FARP2: variants seen among roughly 807,000 people sequenced by gnomAD.
FARP2 encodes FERM, ARHGEF and pleckstrin domain-containing protein 2.
A neutral mutation model predicts 130.5 loss-of-function variants in FARP2; 111 were observed. The observed-to-expected ratio is 0.85, with a 90% CI of 0.73 to 1.00. The LOEUF (loss-of-function observed/expected upper bound fraction) is 1.00. Among genes scored for constraint, FARP2 ranks in the 50% least tolerant of loss-of-function variants. The pLI, the probability that FARP2 is intolerant of heterozygous loss-of-function variation, is 0.00. For synonymous variants in FARP2, 504 were observed against 516.9 expected (o/e 0.98, Z 0.34); for missense variants, 1,385 against 1,346.3 (o/e 1.03, Z -0.45).
intron 5 of FARP2, among the ~76,000 whole-genome samples, chr2:241,408,049 G>T (rs115323581): frequency 0.016 from 2,429 of 152,208 alleles, 43 homozygotes; most frequent in African/African-American, 0.042. Context: ...CTACTATTTT[G>T]AATTAAAGAT....
At chr2:241,424,528 C>G (rs912364809) in intron 8 of FARP2, among the ~76,000 whole-genome samples, 7 of 152,032 alleles carry the variant, frequency 4.6e-5, no homozygotes, top group African/African-American at 1.7e-4. Flanking sequence ...AGGTTAACAA[C>G]CTAACATCTC....
chr2:241,492,114 G>C (rs1299472312), intron 24 of FARP2, among the ~76,000 whole-genome samples: 3 of 152,172 alleles, frequency 2.0e-5, no homozygotes, highest in African/African-American at 4.8e-5. Context: ...TGGGTCACCA[G>C]GTTCCTCAGC....
chr2:241,401,521 TC>T (rs2062165499), intron 2 of FARP2, among the ~76,000 whole-genome samples: 1 of 152,154 alleles, frequency 6.6e-6, no homozygotes, highest in African/African-American at 2.4e-5. Flanking sequence ...GGCCTTTTTT[TC>T]TTTTTCCTTT....
In FARP2 at chr2:241,463,313, TCACACCACACTCTTCC is replaced by T. The variant is rs756662788; in HGVS notation, c.1678-17_1678-2del. 6.2e-7 allele frequency: 1 copy of T among 1,610,328 alleles called. No individual in the cohort carries two copies. Among genetic ancestry groups the T allele is most frequent in the Non-Finnish European group, 8.5e-7 (1 of 1,177,510 alleles). The stretch of plus-strand genomic sequence containing the variant: ...TCCCCAACAAGAGCCACACCTCCCA[TCACACCACACTCTTCC>T]CACAGTGGTTCCGCAGCGCAGTGGT... On this transcript the variant is annotated splice_region_variant and splice_polypyrimidine_tract_variant and intron_variant, in intron 15 of 26. Transcript: ENST00000264042.
At chr2:241,461,477 T>C (rs2064015587) in intron 14 of FARP2, among the ~76,000 whole-genome samples, 1 of 152,180 alleles carries the variant, frequency 6.6e-6, no homozygotes, top group South Asian at 2.1e-4. Context: ...CCCACATTGC[T>C]CCAGCCCCTT....
rs182421171 is a variant in FARP2, at chr2:241,356,355, G to A, written c.-58G>A. On this transcript the variant is annotated 5_prime_UTR_variant, in exon 1 of 27. Transcript: ENST00000264042. The stretch of plus-strand genomic sequence containing the variant: ...GCGACTGCGGAGGCCGGGCGAGGCC[G>A]GTGAGGACGCGGCGGGCGAGCGAGA... 2,490 of 152,384 alleles carry A rather than the reference G, an allele frequency of 0.016. 45 individuals carry two copies. The highest frequency in any genetic ancestry group is 0.043 in the African/African-American group (1,784 of 41,540). The allele number at this position is 152,384 out of a possible 1,614,324, so 9.4% of individuals were successfully genotyped here.
chr2:241,377,952 G>A (rs1207966287), intron 2 of FARP2, among the ~76,000 whole-genome samples: 1 of 152,038 alleles, frequency 6.6e-6, no homozygotes, highest in East Asian at 1.9e-4. Context: ...AAGTAGCTGT[G>A]CCATTTTGCA....
chr2:241,360,086 A>T (rs574282161), intron 1 of FARP2, among the ~76,000 whole-genome samples: 1 of 152,174 alleles, frequency 6.6e-6, no homozygotes, highest in Non-Finnish European at 1.5e-5. Flanking sequence ...TTAAATCACC[A>T]TTTAATATAT....
chr2:241,457,499 G>A (rs12612293), intron 14 of FARP2, among the ~76,000 whole-genome samples: 2,585 of 80,482 alleles, frequency 0.032, 3 homozygotes, highest in East Asian at 0.084. Context: ...GCTCTTGGGC[G>A]GGAGACCCAG....
chr2:241,460,052 T>G (rs917187842), intron 14 of FARP2, among the ~76,000 whole-genome samples: 1 of 152,150 alleles, frequency 6.6e-6, no homozygotes, highest in Non-Finnish European at 1.5e-5. Flanking sequence ...GTTAGGACAT[T>G]GCCTTTGGAC....
rs567458919 is a variant in FARP2, at chr2:241,494,371, G to A, written c.*246G>A. On this transcript the variant is annotated 3_prime_UTR_variant, in exon 27 of 27. Coordinates refer to ENST00000264042, the MANE Select transcript of FARP2 (RefSeq NM_014808.4). This position sits in a 1 kb window ranked among gnomAD's most constrained non-coding sequence, Gnocchi z 4.9. ...ATGTGCGAGTCTTGAGCGCGGAGCC[G>A]CTCAAGCCACAGCTCCCAGGCCCCT... The A allele has an allele frequency of 6.6e-5, 21 of 316,408 alleles. No homozygotes were observed. Among genetic ancestry groups the A allele is most frequent in the Admixed American group, 6.0e-4 (12 of 19,840 alleles). The allele number at this position is 316,408 out of a possible 1,614,324, so 19.6% of individuals were successfully genotyped here. A position where few individuals can be genotyped will look rare whatever the true frequency, so the allele number is the denominator to read the frequency against.
chr2:241,407,982 G>A (rs530705095), intron 5 of FARP2, among the ~76,000 whole-genome samples: 29 of 152,288 alleles, frequency 1.9e-4, no homozygotes, highest in Non-Finnish European at 2.4e-4. Flanking sequence ...GAAGTACCCA[G>A]TGTGTTAGTT....
intron 7 of FARP2, among the ~76,000 whole-genome samples, chr2:241,415,325 C>G (rs2062637104): frequency 6.6e-6 from 1 of 152,152 alleles, no homozygotes; most frequent in African/African-American, 2.4e-5. Flanking sequence ...GACCTTGACC[C>G]ATGGAGCCAA....
chr2:241,390,294 C>T (rs192955242), intron 2 of FARP2, among the ~76,000 whole-genome samples: 62 of 152,266 alleles, frequency 4.1e-4, no homozygotes, highest in Admixed American at 1.0e-3. Flanking sequence ...TTGAACGAGT[C>T]CAGCAAATGA....
At position 241,475,619 on chromosome 2, in the gene FARP2, T is replaced by C. The variant is rs940196170; in HGVS notation, c.2132-238T>C. 3.3e-5 allele frequency among the ~76,000 whole-genome samples: 5 copies of C among 152,348 alleles called. No homozygotes were observed. The highest frequency in any genetic ancestry group is 2.1e-4 in the South Asian group (1 of 4,832). The stretch of plus-strand genomic sequence containing the variant: ...CTAACAAATGCCTGATGATCTGAGG[T>C]GGAACAGTTTCATCCCCAAACCATT... On this transcript the variant is annotated intron_variant, in intron 18 of 26. Coordinates refer to ENST00000264042, the MANE Select transcript of FARP2 (RefSeq NM_014808.4). This position sits in a 1 kb window ranked among gnomAD's most constrained non-coding sequence, Gnocchi z 4.4.
chr2:241,374,332 T>G (rs1163728306), intron 2 of FARP2, among the ~76,000 whole-genome samples: 1 of 152,202 alleles, frequency 6.6e-6, no homozygotes, highest in East Asian at 1.9e-4. Context: ...TTAAAATTAT[T>G]TATTTTCATA....
chr2:241,373,414 C>T, intron 2 of FARP2, 124 bp downstream of exon 2: 1 of 526,208 alleles, frequency 1.9e-6, no homozygotes, highest in Non-Finnish European at 3.1e-6. Context: ...TTTGGTAACA[C>T]ATGAGAAAAT....
chr2:241,484,405 A>G, intron 21 of FARP2, 74 bp downstream of exon 21: 1 of 1,233,626 alleles, frequency 8.1e-7, no homozygotes, highest in South Asian at 1.2e-5. Flanking sequence ...TCTCCTGCAG[A>G]GGCGAATCCT....
intron 18 of FARP2, 99 bp downstream of exon 18, chr2:241,468,476 G>A (rs1574886024): frequency 5.9e-6 from 5 of 851,976 alleles, no homozygotes; most frequent in Admixed American, 2.0e-5. Flanking sequence ...ACTGGGAAGC[G>A]CAGGAGTCCA....
Sources: allele counts gnomAD v4.1 joint callset (sites outside exome capture counted in the v4.1 genomes callset), GRCh38; gene constraint gnomAD v4.1.1; non-coding constraint Gnocchi (gnomAD v3.1); transcripts MANE v1.5; gene names NCBI Gene and HGNC (gene_info 2026-07-23, HGNC 2026-07-21).